ANK1: variants seen among roughly 807,000 people sequenced by gnomAD.
ANK1 encodes the protein ankyrin 1.
Under a neutral mutation model 210.4 loss-of-function variants are expected in ANK1, and 51 were observed. The observed-to-expected ratio is 0.24, with a 90% CI of 0.19 to 0.31. ANK1 has a LOEUF of 0.31. ANK1 is among the 10% of genes least tolerant of loss of function. ANK1 has a pLI of 1.00. For synonymous variants in ANK1, 967 were observed against 1,025.9 expected, an observed-to-expected ratio of 0.94 and a Z score of 1.10; for missense variants, 2,051 against 2,504.4, an observed-to-expected ratio of 0.82 and a Z score of 3.86.
At position 41,758,150 on chromosome 8, in the gene ANK1, AC is replaced by A; in HGVS notation, c.28-14del. 6.2e-7 allele frequency: 1 copy of A among 1,611,076 alleles called. No individual in the cohort carries two copies. The highest frequency in any genetic ancestry group is 1.1e-5 in the South Asian group (1 of 90,976). On this transcript the variant is annotated splice_polypyrimidine_tract_variant and intron_variant, in intron 1 of 42. Coordinates refer to ENST00000289734, the MANE Select transcript of ANK1 (RefSeq NM_000037.4). Reference sequence around the variant, plus strand: ...TAGCAGCATCGGCCTGTGAGGAAAAACAACAGGCGGTGAGTGTCCTGGGTGT... The same window carrying A: ...TAGCAGCATCGGCCTGTGAGGAAAAAAACAGGCGGTGAGTGTCCTGGGTGT...
intron 1 of ANK1, among the ~76,000 whole-genome samples, chr8:41,853,965 C>T (rs895243466): frequency 7.9e-5 from 12 of 152,254 alleles, no homozygotes; most frequent in Admixed American, 2.6e-4. Context: ...AGAACTACTC[C>T]GCTCAATTTG....
intron 1 of ANK1, among the ~76,000 whole-genome samples, chr8:41,885,568 A>G (rs1023129263): frequency 6.6e-6 from 1 of 152,212 alleles, no homozygotes; most frequent in African/African-American, 2.4e-5. Context: ...AAATCAGAGG[A>G]GACTACTGGC....
upstream of ANK1, chr8:41,797,686 TCGGGCCGGGCGCTC>T (rs1337904443): frequency 7.9e-7 from 1 of 1,271,676 alleles, no homozygotes; most frequent in Non-Finnish European, 1.0e-6. The surrounding 1 kb of genome is among the most constrained non-coding windows in gnomAD (Gnocchi z 4.0). Context: ...GCGCTTGCTG[TCGGGCCGGGCGCTC>T]CCGGCACGGG....
chr8:41,797,672 A>T, upstream of ANK1: 1 of 1,366,908 alleles, frequency 7.3e-7, no homozygotes, highest in Non-Finnish European at 9.6e-7. The surrounding 1 kb of genome is among the most constrained non-coding windows in gnomAD (Gnocchi z 4.0). Context: ...TATCGGCCCC[A>T]GAGGCGCTTG....
At chr8:41,679,750 G>A (rs1305236413) in intron 37 of ANK1, among the ~76,000 whole-genome samples, 6 of 150,888 alleles carry the variant, frequency 4.0e-5, no homozygotes, top group Non-Finnish European at 7.4e-5. Context: ...ATTTTTAGTA[G>A]AGACGGGGTT....
chr8:41,772,510 C>G (rs554892647), intron 1 of ANK1, among the ~76,000 whole-genome samples: 1 of 152,330 alleles, frequency 6.6e-6, no homozygotes, highest in Admixed American at 6.5e-5. Flanking sequence ...TGTCACTGAT[C>G]TTGCTTCAAC....
chr8:41,686,336 G>T, intron 35 of ANK1, 53 bp from the exon 36 acceptor site: 1 of 1,611,072 alleles, frequency 6.2e-7, no homozygotes. Flanking sequence ...CCAACAGCAG[G>T]GGGCCTCCAG....
Position 41,723,612 on chromosome 8 carries a change from T to C in ANK1, c.733A>G (p.Ile245Val). The change falls in exon 8 of 43, where the codon ATC (isoleucine) becomes GTC (valine). Residue 245 changes from isoleucine (I) to valine (V), a missense_variant. This residue lies in a region of ANK1 where 1,413 missense variants were observed against 1,707.4 expected (regional missense o/e 0.83). Transcript: ENST00000289734. The stretch of plus-strand genomic sequence containing the variant: ...ATCACGTTGCCCCTGCGGGAGGCGA[T>C]GTGCAGTGGCGTGATGCCGTTCTGA... ...TPQNGITPLH[I>V]ASRRGNVIMV... 2 of 1,613,552 alleles carry C rather than the reference T, an allele frequency of 1.2e-6. No homozygotes were observed. Among genetic ancestry groups the C allele is most frequent in the Non-Finnish European group, 1.7e-6 (2 of 1,179,908 alleles).
At chr8:41,732,537 C>T (rs946019885) in intron 3 of ANK1, among the ~76,000 whole-genome samples, 5 of 151,124 alleles carry the variant, frequency 3.3e-5, no homozygotes, top group East Asian at 3.9e-4. Flanking sequence ...CTCAGCTTCC[C>T]GAGTAGCTGG....
intron 38 of ANK1, among the ~76,000 whole-genome samples, chr8:41,669,517 A>C (rs1255148355): frequency 2.0e-5 from 3 of 152,010 alleles, no homozygotes; most frequent in Admixed American, 1.3e-4. Context: ...TTGGATCTCT[A>C]CTTGGCATCT....
chr8:41,743,187 CAG>C (rs1835227858), intron 2 of ANK1, among the ~76,000 whole-genome samples: 1 of 151,936 alleles, frequency 6.6e-6, no homozygotes. Flanking sequence ...ACTGGGGTTA[CAG>C]AGAGGAAAAG....
chr8:41,810,710 G>T (rs1343960529), intron 1 of ANK1, among the ~76,000 whole-genome samples: 1 of 152,246 alleles, frequency 6.6e-6, no homozygotes, highest in Non-Finnish European at 1.5e-5. Flanking sequence ...CTTGCCCGCT[G>T]CCCAGAAAGC....
intron 3 of ANK1, among the ~76,000 whole-genome samples, chr8:41,731,580 C>CTT (rs60238358): frequency 6.8e-6 from 1 of 146,058 alleles, no homozygotes; most frequent in Non-Finnish European, 1.5e-5. Flanking sequence ...TCTTTTTCTT[C>CTT]TTTTTTTTTT....
intron 40 of ANK1, 121 bp downstream of exon 40, chr8:41,663,538 G>T: frequency 1.0e-6 from 1 of 1,001,286 alleles, no homozygotes; most frequent in Non-Finnish European, 1.6e-6. Flanking sequence ...CACGGGGGCA[G>T]CCAGCCTGGC....
chr8:41,793,457 C>T (rs564428343), intron 1 of ANK1, among the ~76,000 whole-genome samples: 1 of 152,236 alleles, frequency 6.6e-6, no homozygotes, highest in Non-Finnish European at 1.5e-5. Context: ...GGAGTCTACA[C>T]TGTCCTAAGA....
At chr8:41,838,010 C>G (rs1406017609) in intron 1 of ANK1, among the ~76,000 whole-genome samples, 1 of 152,222 alleles carries the variant, frequency 6.6e-6, no homozygotes, top group Non-Finnish European at 1.5e-5. Flanking sequence ...ATCACCTCCT[C>G]CACACACCCA....
chr8:41,663,411 T>C (rs1292014065), intron 40 of ANK1, among the ~76,000 whole-genome samples: 1 of 152,168 alleles, frequency 6.6e-6, no homozygotes, highest in Non-Finnish European at 1.5e-5. Flanking sequence ...CTGGCCCTTC[T>C]GGAAAAGAGC....
intron 6 of ANK1, 43 bp from the exon 7 acceptor site, chr8:41,724,597 A>G (rs888812873): frequency 6.5e-7 from 1 of 1,531,186 alleles, no homozygotes; most frequent in Non-Finnish European, 8.9e-7. Flanking sequence ...TATGTGATTT[A>G]CTTCTATCTC....
At chr8:41,661,373 A>G (rs781078512) in intron 42 of ANK1, 57 bp downstream of exon 42, 1 of 1,603,720 alleles carries the variant, frequency 6.2e-7, no homozygotes, top group South Asian at 1.1e-5. Flanking sequence ...TGAGACAGGG[A>G]GCAGCCACTC....
Sources: gnomAD v4.1 joint callset for allele counts (sites outside exome capture counted in the v4.1 genomes callset) on GRCh38, gnomAD v4.1.1 for gene constraint, gnomAD v4.1.1 regional missense constraint, Gnocchi (gnomAD v3.1) non-coding constraint, MANE v1.5 for transcripts, NCBI Gene and HGNC (gene_info 2026-07-23, HGNC 2026-07-21) for gene names.